Variants in CDH22 observed in about 807,000 individuals in gnomAD.
CDH22 encodes the protein cadherin 22, also known as cadherin-22.
A neutral mutation model predicts 58.4 loss-of-function variants in CDH22; 30 were observed. That is an observed-to-expected ratio of 0.51 (90% CI 0.38 to 0.70). The LOEUF (loss-of-function observed/expected upper bound fraction) is 0.70. CDH22 is among the 30% of genes least tolerant of loss of function. The probability of loss-of-function intolerance (pLI) is 0.00; values close to 1 mark genes in which losing one functional copy is unlikely to be tolerated. For missense variants in CDH22, 1,014 were observed against 1,233.9 expected, an observed-to-expected ratio of 0.82 and a Z score of 2.67; for synonymous variants, 513 against 558.2, an observed-to-expected ratio of 0.92 and a Z score of 1.14.
At chr20:46,205,506 C>T (rs1298178278) in intron 7 of CDH22, among the ~76,000 whole-genome samples, 2 of 152,198 alleles carry the variant, frequency 1.3e-5, no homozygotes, top group Admixed American at 6.5e-5. Flanking sequence ...GCAGTTTCTG[C>T]TGCACCACAC....
chr20:46,284,163 T>C (rs1231220944), intron 1 of CDH22, among the ~76,000 whole-genome samples: 2 of 151,378 alleles, frequency 1.3e-5, no homozygotes, highest in Non-Finnish European at 2.9e-5. Context: ...GGGGGCTGGC[T>C]GGCCCGGGTC....
At chr20:46,214,441 C>G (rs974799924) in intron 5 of CDH22, among the ~76,000 whole-genome samples, 3 of 152,158 alleles carry the variant, frequency 2.0e-5, no homozygotes, top group Admixed American at 6.5e-5. Flanking sequence ...TTCTGAAACA[C>G]GAGATGAACA....
At chr20:46,223,823 TTC>T (rs1568664386) in intron 4 of CDH22, among the ~76,000 whole-genome samples, 198 of 6,520 alleles carry the variant, frequency 0.03, 1 homozygote, top group African/African-American at 0.092. Context: ...CCTTTCTTCC[TTC>T]CTTCCTTCCT....
chr20:46,198,331 C>CACACAT (rs2085925252), intron 8 of CDH22, among the ~76,000 whole-genome samples: 2 of 143,236 alleles, frequency 1.4e-5, no homozygotes, highest in African/African-American at 2.9e-5. Flanking sequence ...CACACACACA[C>CACACAT]ATATTCTTCC....
intron 8 of CDH22, among the ~76,000 whole-genome samples, chr20:46,199,169 C>G (rs568208385): frequency 6.6e-6 from 1 of 152,338 alleles, no homozygotes; most frequent in East Asian, 1.9e-4. Context: ...TGACTTGGAA[C>G]CAGCCCTACT....
chr20:46,231,717 C>G (rs1363253709), intron 3 of CDH22, among the ~76,000 whole-genome samples: 2 of 152,192 alleles, frequency 1.3e-5, no homozygotes, highest in African/African-American at 4.8e-5. Flanking sequence ...CTGAAGTCAG[C>G]ATGAGAAGTC....
chr20:46,181,084 A>G (rs1308423421), intron 10 of CDH22, among the ~76,000 whole-genome samples: 4 of 151,934 alleles, frequency 2.6e-5, no homozygotes, highest in Admixed American at 6.6e-5. Flanking sequence ...CCTCCATCCA[A>G]CAAATCTTTA....
intron 3 of CDH22, among the ~76,000 whole-genome samples, chr20:46,229,274 C>T (rs1462683167): frequency 6.9e-5 from 10 of 145,722 alleles, no homozygotes; most frequent in East Asian, 2.0e-4. Context: ...CATAGCATCT[C>T]GGAGATGCAG....
chr20:46,244,562 A>G (rs145781402), intron 2 of CDH22, among the ~76,000 whole-genome samples: 9 of 152,284 alleles, frequency 5.9e-5, no homozygotes, highest in Non-Finnish European at 1.2e-4. Context: ...CAGAAATCCA[A>G]CTTGACTTTG....
chr20:46,301,446 T>C (rs2086651083), intron 1 of CDH22, among the ~76,000 whole-genome samples: 1 of 151,990 alleles, frequency 6.6e-6, no homozygotes. Context: ...ACCTAATCAG[T>C]AGGTTGTCAT....
intron 8 of CDH22, among the ~76,000 whole-genome samples, chr20:46,189,951 T>C (rs2145658646): frequency 6.6e-6 from 1 of 152,096 alleles, no homozygotes; most frequent in African/African-American, 2.4e-5. Context: ...TCAGTGATTT[T>C]TTTTTTTTTT....
intron 3 of CDH22, 93 bp from the exon 4 acceptor site, chr20:46,227,720 G>T: frequency 6.7e-7 from 1 of 1,499,374 alleles, no homozygotes; most frequent in South Asian, 1.3e-5. Flanking sequence ...TGGGAGAGGA[G>T]ACCCTCGGGA....
chr20:46,226,261 TCTTCTTCTTCTTCTTCTTCTTC>T (rs1568665245), intron 4 of CDH22, among the ~76,000 whole-genome samples: 1 of 78,696 alleles, frequency 1.3e-5, no homozygotes, highest in African/African-American at 3.4e-5. Context: ...TTCTTCTTCT[TCTTCTTCTTCTTCTTCTTCTTC>T]TTCTTCTTCT....
chr20:46,199,890 T>C (rs1380193917), intron 7 of CDH22, among the ~76,000 whole-genome samples: 1 of 151,716 alleles, frequency 6.6e-6, no homozygotes, highest in Admixed American at 6.6e-5. Context: ...TACTCTCTTC[T>C]TTCTTTTCTT....
rs1009613277 is a variant in CDH22 at position 46,174,716 on chromosome 20, G to A, written c.2277C>T (p.Asp759=). The part of the protein sequence containing the change: ...DFISRKVALA[D]GDLSVPPYDA... The stretch of plus-strand genomic sequence containing the variant: ...CGTAGGGCGGCACCGACAGGTCCCC[G>A]TCCGCCAGTGCCACCTTGCGGCTGA... The change falls in exon 12 of 12, where the codon GAC becomes GAT. Residue 759 remains aspartate, a synonymous_variant. Transcript: ENST00000537909. The surrounding 1 kb of genome is among the most constrained non-coding windows in gnomAD (Gnocchi z 4.4). 1.9e-6 allele frequency: 3 copies of A among 1,555,412 alleles called. No homozygotes were observed. The African/African-American group carries it at 4.1e-5, about 21-fold the overall frequency.
chr20:46,270,668 A>AGGG (rs1032170111), intron 1 of CDH22, among the ~76,000 whole-genome samples: 1 of 152,346 alleles, frequency 6.6e-6, no homozygotes, highest in East Asian at 1.9e-4. Context: ...GTTATACTCC[A>AGGG]GGGGCTCTGT....
intron 1 of CDH22, among the ~76,000 whole-genome samples, chr20:46,265,969 CACAT>C (rs939225211): frequency 1.4e-5 from 2 of 145,122 alleles, no homozygotes; most frequent in Non-Finnish European, 3.1e-5. Flanking sequence ...CACACACACA[CACAT>C]TGATCCCAGC....
At chr20:46,179,707 T>C (rs2085770553) in intron 10 of CDH22, among the ~76,000 whole-genome samples, 1 of 152,240 alleles carries the variant, frequency 6.6e-6, no homozygotes. Flanking sequence ...AGTTTACCCA[T>C]CTGTAAACTC....
intron 3 of CDH22, among the ~76,000 whole-genome samples, chr20:46,235,786 G>A (rs1030812568): frequency 6.6e-6 from 1 of 152,162 alleles, no homozygotes; most frequent in African/African-American, 2.4e-5. Context: ...ACCTCTTGCT[G>A]CACTATTGCA....
Sources: gnomAD v4.1 joint callset for allele counts (sites outside exome capture counted in the v4.1 genomes callset) on GRCh38, gnomAD v4.1.1 for gene constraint, Gnocchi (gnomAD v3.1) non-coding constraint, MANE v1.5 for transcripts, NCBI Gene and HGNC (gene_info 2026-07-23, HGNC 2026-07-21) for gene names.